The following ZNF583 variants were observed in gnomAD, a reference collection of about 807,000 sequenced individuals.
ZNF583 encodes zinc finger protein 583.
ZNF583 carries 30 observed loss-of-function variants against 55.3 expected under a neutral mutation model. That is an observed-to-expected ratio of 0.54 (90% confidence interval 0.41 to 0.74). ZNF583 has a LOEUF of 0.74. Ranked by LOEUF, ZNF583 falls within the 30% of genes least tolerant of loss-of-function variation. The pLI is 0.00. For synonymous variants in ZNF583, 208 were observed against 220.0 expected (o/e 0.95, Z 0.48); for missense variants, 504 against 664.7 (o/e 0.76, Z 2.66).
At position 56,423,995 on chromosome 19, in the gene ZNF583, G is replaced by A. The variant is rs1186557417; in HGVS notation, c.1337G>A (p.Ser446Asn). The change falls in exon 5 of 5, where the codon AGC becomes AAC. Residue 446 changes from serine (S) to asparagine (N), a missense_variant. This residue lies in a region of ZNF583 where 237 missense variants were observed against 373.0 expected (regional missense o/e 0.64). Coordinates refer to ENST00000333201, the MANE Select transcript of ZNF583 (RefSeq NM_152478.3). ...TGTATTGAATGTGGGAAGGCCTTTA[G>A]CAATAGTTCATCACTTGCACAACAT... ...YECIECGKAFSNSSSLAQHQR... is the reference protein window; with the variant it reads ...YECIECGKAFNNSSSLAQHQR... 2 of 1,614,086 alleles carry A rather than the reference G, an allele frequency of 1.2e-6. No homozygotes were observed. The highest frequency in any genetic ancestry group is 1.7e-6 in the Non-Finnish European group (2 of 1,180,008).
chr19:56,405,443 G>A (rs900809920), intron 1 of ZNF583, among the ~76,000 whole-genome samples: 2 of 152,146 alleles, frequency 1.3e-5, no homozygotes, highest in Non-Finnish European at 2.9e-5. Flanking sequence ...GATTTGTGTG[G>A]GCAGGAAGCT....
rs1287334730 is a variant in ZNF583 at position 56,424,302 on chromosome 19, G to T, written c.1644G>T (p.Leu548Phe). ...GAATTCATACTATGGAGTCATTCTT[G>T]ACTCTTTCCTCTCCCTCACCCTCCA... ...HERIHTMESF[L>F]TLSSPSPSTS... Residue 548 changes from leucine to phenylalanine, a missense_variant, in exon 5 of 5, where the codon TTG becomes TTT. By Grantham distance (22) the Leu-to-Phe change is conservative. Coordinates refer to ENST00000333201, the MANE Select transcript of ZNF583 (RefSeq NM_152478.3). The T allele has an allele frequency of 3.1e-6, 5 of 1,612,126 alleles. No homozygotes were observed. The African/African-American group carries it at 5.3e-5, about 17-fold the overall frequency.
chr19:56,410,358 G>A (rs140851211), intron 2 of ZNF583, among the ~76,000 whole-genome samples: 125 of 152,244 alleles, frequency 8.2e-4, no homozygotes, highest in Middle Eastern at 3.4e-3. Context: ...TCTGTGAATC[G>A]ATTTTAAGAA....
At chr19:56,420,021 A>G (rs2042389278) in intron 4 of ZNF583, among the ~76,000 whole-genome samples, 1 of 152,066 alleles carries the variant, frequency 6.6e-6, no homozygotes. Context: ...GTGACATCTT[A>G]GATTATTGAT....
intron 3 of ZNF583, 26 bp from the exon 4 acceptor site, chr19:56,414,319 A>T (rs767280323): frequency 6.2e-7 from 1 of 1,609,856 alleles, no homozygotes; most frequent in South Asian, 1.1e-5. Flanking sequence ...GACCTGCCTA[A>T]TTCCCCTTTT....
chr19:56,422,420 C>G (rs558527960), intron 4 of ZNF583, among the ~76,000 whole-genome samples: 1 of 151,954 alleles, frequency 6.6e-6, no homozygotes, highest in African/African-American at 2.4e-5. Context: ...AGATGTTTAC[C>G]CATAGAGTTT....
chr19:56,414,287 C>A, intron 3 of ZNF583, 58 bp from the exon 4 acceptor site: 2 of 1,578,650 alleles, frequency 1.3e-6, no homozygotes, highest in South Asian at 1.1e-5. Flanking sequence ...CTTGATGATG[C>A]AGAAACTTGA....
Position 56,425,215 on chromosome 19 carries a change from A to T in ZNF583, c.*847A>T, listed in dbSNP as rs2042483788. 6.6e-6 allele frequency: 1 copy of T among 152,092 alleles called. No individual in the cohort carries two copies. Among genetic ancestry groups the T allele is most frequent in the South Asian group, 2.1e-4 (1 of 4,812 alleles). The allele number at this position is 152,092 out of a possible 1,614,324, so 9.4% of individuals were successfully genotyped here. ...TAAGATGCTAATGTCTTATTTTAAA[A>T]GTCTTTTTTTTTGAGATGGAGTCTT... On this transcript the variant is annotated 3_prime_UTR_variant, in exon 5 of 5. Coordinates refer to ENST00000333201, the MANE Select transcript of ZNF583 (RefSeq NM_152478.3).
chr19:56,417,240 G>A (rs1568809802), intron 4 of ZNF583, among the ~76,000 whole-genome samples: 1 of 152,112 alleles, frequency 6.6e-6, no homozygotes, highest in Non-Finnish European at 1.5e-5. Context: ...TATATGATAG[G>A]TATATGTTTA....
At position 56,404,376 on chromosome 19, in the gene ZNF583, G is replaced by T. The variant is rs1035578978; in HGVS notation, c.-166G>T. ...GAGCGCGGCCGCCGGCCAGGATCGA[G>T]CCCTGGCCCGGGCCCTGGCCCAGCC... On this transcript the variant is annotated 5_prime_UTR_variant, in exon 1 of 5. Transcript: ENST00000333201. This position sits in a 1 kb window ranked among gnomAD's most constrained non-coding sequence, Gnocchi z 5.2. 6.6e-6 allele frequency: 1 copy of T among 151,230 alleles called. No individual in the cohort carries two copies. Among genetic ancestry groups the T allele is most frequent in the African/African-American group, 2.5e-5 (1 of 40,356 alleles). 9.4% of individuals were successfully genotyped at this position (151,230 alleles called of 1,614,324 possible). A position where few individuals can be genotyped will look rare whatever the true frequency, so the allele number is the denominator to read the frequency against.
intron 3 of ZNF583, 47 bp from the exon 4 acceptor site, chr19:56,414,298 T>A (rs2042283117): frequency 6.3e-7 from 1 of 1,595,928 alleles, no homozygotes; most frequent in Non-Finnish European, 8.6e-7. Flanking sequence ...AGAAACTTGA[T>A]CTTATTTATA....
At position 56,424,536 on chromosome 19, in the gene ZNF583, AAT is replaced by A; in HGVS notation, c.*171_*172del. On this transcript the variant is annotated 3_prime_UTR_variant, in exon 5 of 5. Transcript: ENST00000333201. ...TTGCAACCAAATTTGTATTTTTAAA[AAT>A]ATGTTTAATCTCATTTCTCCCTCAT... is the stretch of plus-strand genomic sequence containing the variant. 1.9e-6 allele frequency: 1 copy of A among 530,510 alleles called. No individual in the cohort carries two copies. Among genetic ancestry groups the A allele is most frequent in the Non-Finnish European group, 3.3e-6 (1 of 300,670 alleles). 32.9% of individuals were successfully genotyped at this position (530,510 alleles called of 1,614,324 possible).
intron 2 of ZNF583, among the ~76,000 whole-genome samples, chr19:56,411,230 G>T (rs2042233453): frequency 6.6e-6 from 1 of 151,978 alleles, no homozygotes; most frequent in Non-Finnish European, 1.5e-5. Context: ...GGTTGAGACT[G>T]CAATCAGCCA....
chr19:56,422,988 T>C lies in ZNF583; in HGVS notation c.330T>C (p.Ser110=). 6.2e-7 allele frequency: 1 copy of C among 1,613,924 alleles called. No individual in the cohort carries two copies. The highest frequency in any genetic ancestry group is 8.5e-7 in the Non-Finnish European group (1 of 1,179,890). Residue 110 remains serine (S), a synonymous_variant, in exon 5 of 5, where the codon AGT becomes AGC. Coordinates refer to ENST00000333201, the MANE Select transcript of ZNF583 (RefSeq NM_152478.3). ...TGACAGTGGGAGCAAGACATCTTAGTTATAGCCTTGACTATCCCAGTTTGA... is the reference window on the plus strand; with the variant it reads ...TGACAGTGGGAGCAAGACATCTTAGCTATAGCCTTGACTATCCCAGTTTGA... ...KVVTVGARHL[S]YSLDYPSLRE...
In ZNF583 at chr19:56,423,524, T is replaced by C; in HGVS notation, c.866T>C (p.Val289Ala). 6.2e-7 allele frequency: 1 copy of C among 1,613,082 alleles called. No individual in the cohort carries two copies. Among genetic ancestry groups the C allele is most frequent in the Non-Finnish European group, 8.5e-7 (1 of 1,179,756 alleles). ...GCACACCTGGCCCAACATCAGAGAG[T>C]TCATACTGGAGAGAAACCTTATCAG... Reference protein sequence around the residue: ...QNAHLAQHQRVHTGEKPYQCK... With the variant: ...QNAHLAQHQRAHTGEKPYQCK... The change falls in exon 5 of 5, where the codon GTT becomes GCT. Residue 289 changes from valine (V) to alanine (A), a missense_variant. Val to Ala is a moderately conservative substitution (Grantham distance 64). Around this residue, in one of 3 missense-constraint regions of ZNF583, gnomAD observed 237 missense variants for 373.0 expected, o/e 0.64. Coordinates refer to ENST00000333201, the MANE Select transcript of ZNF583 (RefSeq NM_152478.3).
chr19:56,409,202 G>C (rs1217096715), intron 2 of ZNF583, among the ~76,000 whole-genome samples: 1 of 152,158 alleles, frequency 6.6e-6, no homozygotes, highest in African/African-American at 2.4e-5. Context: ...AGAATATTAA[G>C]AGGAGGAACT....
At chr19:56,422,306 T>C (rs1425112404) in intron 4 of ZNF583, among the ~76,000 whole-genome samples, 2 of 152,206 alleles carry the variant, frequency 1.3e-5, no homozygotes, top group Non-Finnish European at 2.9e-5. Flanking sequence ...ACAAAACTAC[T>C]CTTATATGAA....
intron 2 of ZNF583, among the ~76,000 whole-genome samples, chr19:56,413,578 C>G (rs2042270731): frequency 6.6e-6 from 1 of 152,166 alleles, no homozygotes; most frequent in African/African-American, 2.4e-5. Flanking sequence ...AGCCTGTTTC[C>G]TCCTCGAAGC....
At chr19:56,407,251 T>C (rs1471714526) in intron 2 of ZNF583, 128 bp downstream of exon 2, 1 of 1,065,092 alleles carries the variant, frequency 9.4e-7, no homozygotes, top group Non-Finnish European at 1.4e-6. Flanking sequence ...TCGTTCCTCA[T>C]ATCTTGCTTT....
Sources: gnomAD v4.1 joint callset for allele counts (sites outside exome capture counted in the v4.1 genomes callset) on GRCh38, gnomAD v4.1.1 for gene constraint, gnomAD v4.1.1 regional missense constraint, Gnocchi (gnomAD v3.1) non-coding constraint, MANE v1.5 for transcripts, NCBI Gene and HGNC (gene_info 2026-07-23, HGNC 2026-07-21) for gene names.